TLN2: variants seen among roughly 807,000 people sequenced by gnomAD.
TLN2 encodes talin 2, also known as talin-2.
In TLN2, 118 loss-of-function variants were observed where a neutral mutation model predicts 294.7. The observed-to-expected ratio is 0.40, with a 90% CI of 0.34 to 0.47. The LOEUF (loss-of-function observed/expected upper bound fraction) is 0.47, where lower values mean the gene tolerates loss of function less well. TLN2 is among the 20% of genes least tolerant of loss of function. The pLI is 0.84. For missense variants in TLN2, 3,083 were observed against 3,282.2 expected, an observed-to-expected ratio of 0.94 and a Z score of 1.48; for synonymous variants, 1,431 against 1,304.5, an observed-to-expected ratio of 1.10 and a Z score of -2.09.
intron 31 of TLN2, chr15:62,740,418 C>T (rs2061262228): frequency 1.8e-6 from 1 of 543,074 alleles, no homozygotes; most frequent in Admixed American, 3.3e-5. Flanking sequence ...GATTTCTTTC[C>T]CTGTGGCATG....
intron 1 of TLN2, among the ~76,000 whole-genome samples, chr15:62,428,348 TTTTG>T (rs1178168475): frequency 2.0e-5 from 3 of 152,194 alleles, no homozygotes; most frequent in Non-Finnish European, 2.9e-5. Context: ...TAGAAGCTTA[TTTTG>T]TTTGTTTGTC....
At chr15:62,675,173 G>C (rs779423851) in intron 10 of TLN2, 44 bp from the exon 11 acceptor site, 1 of 1,584,692 alleles carries the variant, frequency 6.3e-7, no homozygotes, top group South Asian at 1.1e-5. Context: ...TCCACCTGCT[G>C]GCAGAGATGC....
At chr15:62,788,673 G>A (rs1445855565) in intron 45 of TLN2, among the ~76,000 whole-genome samples, 2 of 152,198 alleles carry the variant, frequency 1.3e-5, no homozygotes, top group Non-Finnish European at 2.9e-5. Context: ...TTTGGAATAA[G>A]CGAATGTTCC....
chr15:62,599,023 G>A (rs558908664), intron 2 of TLN2, among the ~76,000 whole-genome samples: 16 of 152,312 alleles, frequency 1.1e-4, no homozygotes, highest in African/African-American at 3.4e-4. Flanking sequence ...AGCACATTGA[G>A]GATGGGGTGG....
chr15:62,730,502 C>T (rs2060665819), intron 28 of TLN2, among the ~76,000 whole-genome samples: 1 of 152,172 alleles, frequency 6.6e-6, no homozygotes, highest in African/African-American at 2.4e-5. Flanking sequence ...TTCTCTTCTA[C>T]CTGAAGAACT....
intron 14 of TLN2, among the ~76,000 whole-genome samples, chr15:62,696,864 C>A (rs773176608): frequency 1.3e-5 from 2 of 152,096 alleles, no homozygotes; most frequent in African/African-American, 2.4e-5. Context: ...GGTGGTGGAC[C>A]TGAGGACCCG....
At chr15:62,427,385 ACCTTGT>A (rs2034772627) in intron 1 of TLN2, among the ~76,000 whole-genome samples, 1 of 151,924 alleles carries the variant, frequency 6.6e-6, no homozygotes, top group Admixed American at 6.6e-5. Flanking sequence ...AGCTTCTAAT[ACCTTGT>A]CCTTGGTCTA....
intron 32 of TLN2, among the ~76,000 whole-genome samples, chr15:62,744,589 C>G (rs1046054418): frequency 6.6e-6 from 1 of 151,920 alleles, no homozygotes; most frequent in African/African-American, 2.4e-5. Context: ...CTCCGTCGCC[C>G]AGGCTGGAGT....
intron 17 of TLN2, 91 bp from the exon 18 acceptor site, chr15:62,701,901 A>G: frequency 1.4e-6 from 2 of 1,393,792 alleles, no homozygotes; most frequent in East Asian, 2.3e-5. Flanking sequence ...GCAGGATGGT[A>G]GGTGAGGAAC....
chr15:62,722,661 C>A (rs1448380291), intron 26 of TLN2, among the ~76,000 whole-genome samples, 174 bp downstream of exon 26: 1 of 152,200 alleles, frequency 6.6e-6, no homozygotes, highest in Admixed American at 6.5e-5. Context: ...AAGCCACTAT[C>A]TCCCAGACTT....
chr15:62,524,446 G>A (rs1052668668), intron 1 of TLN2, among the ~76,000 whole-genome samples: 11 of 152,274 alleles, frequency 7.2e-5, no homozygotes, highest in South Asian at 2.1e-4. Flanking sequence ...CTGAGACAGC[G>A]TGCTGTAGAG....
intron 42 of TLN2, among the ~76,000 whole-genome samples, chr15:62,772,067 A>G (rs1459711119): frequency 6.6e-6 from 1 of 152,008 alleles, no homozygotes; most frequent in East Asian, 1.9e-4. Flanking sequence ...AGCTGGGGCC[A>G]CAAGCACATG....
In TLN2 at chr15:62,650,196, C is replaced by A. The variant is rs933021138; in HGVS notation, c.234+15C>A. 12 of 1,613,538 alleles carry A rather than the reference C, an allele frequency of 7.4e-6. No homozygotes were observed. Among genetic ancestry groups the A allele is most frequent in the Non-Finnish European group, 1.0e-5 (12 of 1,179,516 alleles). ...TGCGGAATGGGGTATGCTGCCAATC[C>A]CAGTGCTGTTTCTTCATCCCTTTGT... On this transcript the variant is annotated intron_variant, in intron 5 of 58. Coordinates refer to ENST00000636159, the MANE Select transcript of TLN2 (RefSeq NM_015059.3).
At chr15:62,839,017 G>GA in intron 58 of TLN2, 36 bp downstream of exon 58, 2 of 1,599,616 alleles carry the variant, frequency 1.3e-6, no homozygotes, top group Non-Finnish European at 1.7e-6. Flanking sequence ...TTTACTTCCC[G>GA]AGAGAGGTGT....
chr15:62,516,727 G>A (rs1294535367), intron 1 of TLN2, among the ~76,000 whole-genome samples: 1 of 152,198 alleles, frequency 6.6e-6, no homozygotes, highest in East Asian at 1.9e-4. Context: ...TAGGGGGCAG[G>A]TGATCAATCA....
intron 3 of TLN2, among the ~76,000 whole-genome samples, chr15:62,642,692 T>C (rs559490593): frequency 8.7e-5 from 13 of 149,846 alleles, no homozygotes; most frequent in African/African-American, 3.3e-4. Flanking sequence ...GTTTGTTTGT[T>C]TGTTTTCTGT....
At chr15:62,535,853 A>G (rs930635532) in intron 1 of TLN2, among the ~76,000 whole-genome samples, 6 of 152,120 alleles carry the variant, frequency 3.9e-5, no homozygotes, top group African/African-American at 1.4e-4. Flanking sequence ...GTACCTGGCC[A>G]GTATGTTTTA....
At chr15:62,556,044 T>C (rs150301000) in intron 1 of TLN2, among the ~76,000 whole-genome samples, 1 of 152,070 alleles carries the variant, frequency 6.6e-6, no homozygotes, top group Non-Finnish European at 1.5e-5. Context: ...TTAGTTGACT[T>C]TACAAACTGA....
intron 14 of TLN2, among the ~76,000 whole-genome samples, chr15:62,696,595 C>G (rs1475754964): frequency 6.6e-6 from 1 of 152,094 alleles, no homozygotes; most frequent in African/African-American, 2.4e-5. Context: ...GTAATCCCAG[C>G]TACTTGGGAG....
Sources: allele counts gnomAD v4.1 joint callset (sites outside exome capture counted in the v4.1 genomes callset), GRCh38; gene constraint gnomAD v4.1.1; transcripts MANE v1.5; gene names NCBI Gene and HGNC (gene_info 2026-07-23, HGNC 2026-07-21).